The following PSEN1 variants were observed in gnomAD, a reference collection of about 807,000 sequenced individuals.
PSEN1 encodes presenilin 1.
PSEN1 carries 15 observed loss-of-function variants against 53.5 expected under a neutral mutation model. That is an observed-to-expected ratio of 0.28 (90% CI 0.19 to 0.43). The LOEUF (loss-of-function observed/expected upper bound fraction) is 0.43. Ranked by LOEUF, PSEN1 falls within the 20% of genes least tolerant of loss-of-function variation. The pLI, the probability that PSEN1 is intolerant of heterozygous loss-of-function variation, is 1.00. For missense variants in PSEN1, 387 were observed against 571.2 expected (o/e 0.68, Z 3.29); for synonymous variants, 208 against 209.8 (o/e 0.99, Z 0.08).
intron 4 of PSEN1, among the ~76,000 whole-genome samples, 173 bp downstream of exon 4, chr14:73,171,220 A>C (rs1897882684): frequency 6.6e-6 from 1 of 152,190 alleles, no homozygotes; most frequent in Admixed American, 6.5e-5. Context: ...TTCATGTTTT[A>C]AGTGGAGAAA....
chr14:73,172,291 G>A (rs1333594724), intron 4 of PSEN1, among the ~76,000 whole-genome samples: 2 of 152,216 alleles, frequency 1.3e-5, no homozygotes, highest in Non-Finnish European at 2.9e-5. Context: ...GTTGTGAAGT[G>A]TCTGAAAAAC....
chr14:73,137,624 C>T (rs1173697216), intron 1 of PSEN1, among the ~76,000 whole-genome samples: 3 of 152,082 alleles, frequency 2.0e-5, no homozygotes, highest in African/African-American at 7.2e-5. Context: ...GAGCAAGGAG[C>T]CAGCTGAGGA....
At chr14:73,211,057 A>C (rs1377718609) in intron 9 of PSEN1, among the ~76,000 whole-genome samples, 1 of 152,188 alleles carries the variant, frequency 6.6e-6, no homozygotes, top group African/African-American at 2.4e-5. Flanking sequence ...AAATCCAGGG[A>C]TGAGTGCCAA....
At position 73,213,393 on chromosome 14, in the gene PSEN1, CTCT is replaced by C. The variant is rs537193344; in HGVS notation, c.1129+1454_1129+1456del. On this transcript the variant is annotated intron_variant, in intron 10 of 11. Coordinates refer to ENST00000324501, the MANE Select transcript of PSEN1 (RefSeq NM_000021.4). ...TGAGAGGGCTCTTTGTGTCCTCCTCCTCTTCGTCTCCAACTTTTAAAAAAAAAA... is the reference window on the plus strand; with the variant it reads ...TGAGAGGGCTCTTTGTGTCCTCCTCCTCGTCTCCAACTTTTAAAAAAAAAA... Among the ~76,000 whole-genome samples the C allele has an allele frequency of 5.3e-5, 8 of 152,242 alleles. No homozygotes were observed. In the East Asian group the frequency reaches 1.5e-3, roughly 29 times the overall value.
At chr14:73,208,380 T>C (rs1899539766) in intron 9 of PSEN1, among the ~76,000 whole-genome samples, 1 of 152,156 alleles carries the variant, frequency 6.6e-6, no homozygotes, top group Admixed American at 6.5e-5. Flanking sequence ...CAGGAGACCC[T>C]ATCTGCAGGC....
intron 3 of PSEN1, among the ~76,000 whole-genome samples, chr14:73,166,926 T>C (rs1897734091): frequency 6.6e-6 from 1 of 152,174 alleles, no homozygotes; most frequent in South Asian, 2.1e-4. Context: ...CCAGCCTCGG[T>C]CTTTTTTTTG....
In PSEN1 at chr14:73,170,802, C is replaced by T; in HGVS notation, c.93C>T (p.Asp31=). ...TGTTTTTCTTGTGCTTATAGAATGA[C>T]AATAGAGAACGGCAGGAGCACAACG... ...HLSNTVRSQN[D]NRERQEHNDR... is the part of the protein sequence containing the mutation. Residue 31 remains aspartate (D), a synonymous_variant, in exon 4 of 12, where the codon GAC becomes GAT. Coordinates refer to ENST00000324501, the MANE Select transcript of PSEN1 (RefSeq NM_000021.4). 1.9e-6 allele frequency: 3 copies of T among 1,614,144 alleles called. No individual in the cohort carries two copies. Among genetic ancestry groups the T allele is most frequent in the Non-Finnish European group, 2.5e-6 (3 of 1,180,020 alleles).
At chr14:73,180,077 T>C (rs1898164593) in intron 5 of PSEN1, among the ~76,000 whole-genome samples, 1 of 152,030 alleles carries the variant, frequency 6.6e-6, no homozygotes, top group African/African-American at 2.4e-5. Context: ...CTCCGCCTCC[T>C]GGGTTCAAGT....
intron 5 of PSEN1, among the ~76,000 whole-genome samples, chr14:73,178,503 G>A (rs1898112164): frequency 1.3e-5 from 2 of 152,122 alleles, no homozygotes; most frequent in Admixed American, 1.3e-4. Context: ...CCCTCTTCTG[G>A]GAGTGACAAC....
At chr14:73,184,525 C>T (rs1297410741) in intron 5 of PSEN1, among the ~76,000 whole-genome samples, 2 of 135,136 alleles carry the variant, frequency 1.5e-5, no homozygotes, top group East Asian at 5.0e-4. Flanking sequence ...GGGCTGACCC[C>T]CCCACCTCCC....
Position 73,192,857 on chromosome 14 carries a change from A to T in PSEN1, c.762A>T (p.Ser254=). Residue 254 remains serine (S), a synonymous_variant, in exon 7 of 12, where the codon TCA becomes TCT. Coordinates refer to ENST00000324501, the MANE Select transcript of PSEN1 (RefSeq NM_000021.4). ...WTAWLILAVI[S]VYDLVAVLCP... ...CGTGGCTCATCTTGGCTGTGATTTC[A>T]GTATATGGTAAAACCCAAGACTGAT... 6.2e-7 allele frequency: 1 copy of T among 1,608,496 alleles called. No homozygotes were observed. The highest frequency in any genetic ancestry group is 1.1e-5 in the South Asian group (1 of 90,960).
At chr14:73,162,061 C>T (rs1897561031) in intron 3 of PSEN1, among the ~76,000 whole-genome samples, 1 of 149,740 alleles carries the variant, frequency 6.7e-6, no homozygotes, top group African/African-American at 2.5e-5. Flanking sequence ...TGCCTGTAAT[C>T]CCAGCTACTC....
intron 3 of PSEN1, among the ~76,000 whole-genome samples, chr14:73,157,390 C>T (rs1327060725): frequency 2.6e-5 from 4 of 151,390 alleles, no homozygotes; most frequent in Admixed American, 1.3e-4. Context: ...CCGCCTGCCT[C>T]GATCTCCCAA....
At chr14:73,143,290 C>G (rs1896977935) in intron 1 of PSEN1, among the ~76,000 whole-genome samples, 2 of 152,210 alleles carry the variant, frequency 1.3e-5, no homozygotes, top group South Asian at 4.1e-4. Context: ...AAGAGCAGCT[C>G]TCCCAGGGAG....
At chr14:73,155,519 T>G (rs901502729) in intron 3 of PSEN1, among the ~76,000 whole-genome samples, 1 of 152,136 alleles carries the variant, frequency 6.6e-6, no homozygotes, top group Non-Finnish European at 1.5e-5. Context: ...TTATTTTTTT[T>G]TTGAGACAGG....
intron 5 of PSEN1, among the ~76,000 whole-genome samples, chr14:73,175,877 A>G (rs541823068): frequency 2.0e-5 from 3 of 152,338 alleles, no homozygotes; most frequent in East Asian, 1.9e-4. Flanking sequence ...TCTCGTTTTC[A>G]AAAAGCTTAT....
chr14:73,199,749 GTTTGTT>G lies in PSEN1; in HGVS notation c.868+1623_868+1628del, dbSNP rs1216663470. Among the ~76,000 whole-genome samples the G allele has an allele frequency of 2.0e-5, 3 of 152,090 alleles. No homozygotes were observed. In the East Asian group the frequency reaches 5.8e-4, roughly 29 times the overall value. On this transcript the variant is annotated intron_variant, in intron 8 of 11. Coordinates refer to ENST00000324501, the MANE Select transcript of PSEN1 (RefSeq NM_000021.4). ...ATTTCCTTACCCCTTTGGTGTTTTGGTTTGTTTTGTTTTGGAGACTGAGTCTCGCTC... is the reference window on the plus strand; with the variant it reads ...ATTTCCTTACCCCTTTGGTGTTTTGGTTGTTTTGGAGACTGAGTCTCGCTC...
At chr14:73,184,370 G>A (rs1898375035) in intron 5 of PSEN1, among the ~76,000 whole-genome samples, 1 of 131,916 alleles carries the variant, frequency 7.6e-6, no homozygotes. Context: ...TCCCGGACGG[G>A]GCGGCTGGCC....
intron 3 of PSEN1, chr14:73,169,164 T>C (rs1294668579): frequency 6.6e-6 from 1 of 152,248 alleles, no homozygotes; most frequent in African/African-American, 2.4e-5. Flanking sequence ...TTAGCTCTCA[T>C]CCTGCCAGAC....
Sources: allele counts gnomAD v4.1 joint callset (sites outside exome capture counted in the v4.1 genomes callset), GRCh38; gene constraint gnomAD v4.1.1; transcripts MANE v1.5; gene names NCBI Gene and HGNC (gene_info 2026-07-23, HGNC 2026-07-21).